Variants in NCOR2 observed in about 807,000 individuals in gnomAD.
NCOR2 encodes nuclear receptor corepressor 2, also known as CTG repeat protein 26.
Under a neutral mutation model 262.9 loss-of-function variants are expected in NCOR2, and 81 were observed. The observed-to-expected ratio is 0.31, with a 90% confidence interval of 0.26 to 0.37. The LOEUF (loss-of-function observed/expected upper bound fraction) is 0.37, where lower values mean the gene tolerates loss of function less well. Ranked by LOEUF, NCOR2 falls within the 10% of genes least tolerant of loss-of-function variation. The probability of loss-of-function intolerance (pLI) is 1.00; values close to 1 mark genes in which losing one functional copy is unlikely to be tolerated. For missense variants in NCOR2, 3,385 were observed against 3,621.4 expected (o/e 0.93, Z 1.68); for synonymous variants, 1,659 against 1,559.3 (o/e 1.06, Z -1.51).
chr12:124,331,048 C>T (rs2035142682), intron 43 of NCOR2, 150 bp from the exon 46 acceptor site: 2 of 656,582 alleles, frequency 3.0e-6, no homozygotes, highest in Admixed American at 6.0e-5. Flanking sequence ...GGGACAGGGC[C>T]AAGCGTCTGC....
At chr12:124,356,325 C>G (rs965188568) in intron 23 of NCOR2, among the ~76,000 whole-genome samples, 2 of 152,198 alleles carry the variant, frequency 1.3e-5, no homozygotes, top group Non-Finnish European at 2.9e-5. Context: ...CGCCTCTGCT[C>G]CCTCCCCAGG....
rs938433777 is a variant in NCOR2 at position 124,547,681 on chromosome 12, C to T, written c.-164-12070G>A. ...AGGTTCTCCCCAGGTCCCCTCCTTC[C>T]AGCCTCTGGCAACCACCAATCTGCT... On this transcript the variant is annotated intron_variant, in intron 1 of 32. Transcript: ENST00000458234. 2.1e-4 allele frequency among the ~76,000 whole-genome samples: 32 copies of T among 152,108 alleles called. 1 individual carries two copies. Among genetic ancestry groups the T allele is most frequent in the African/African-American group, 7.7e-4 (32 of 41,506 alleles).
chr12:124,395,432 C>G (rs2041590562), intron 16 of NCOR2, among the ~76,000 whole-genome samples: 1 of 152,220 alleles, frequency 6.6e-6, no homozygotes, highest in Non-Finnish European at 1.5e-5. Context: ...GACGAACATG[C>G]TGCTGCTCAC....
intron 7 of NCOR2, among the ~76,000 whole-genome samples, chr12:124,442,797 C>A (rs535149340): frequency 1.3e-5 from 2 of 152,080 alleles, no homozygotes; most frequent in Non-Finnish European, 2.9e-5. Context: ...GTCTTTAGAG[C>A]GAGAAGCAAG....
intron 19 of NCOR2, among the ~76,000 whole-genome samples, chr12:124,373,151 C>A (rs1337840121): frequency 6.6e-6 from 1 of 152,272 alleles, no homozygotes; most frequent in Non-Finnish European, 1.5e-5. Context: ...TGCTGCTGCA[C>A]CACCATCGCC....
intron 1 of NCOR2, among the ~76,000 whole-genome samples, chr12:124,489,699 C>A (rs1213530070): frequency 6.6e-6 from 1 of 152,190 alleles, no homozygotes; most frequent in African/African-American, 2.4e-5. Flanking sequence ...AAATTACACC[C>A]TTAAAACTCC....
At chr12:124,361,945 A>G (rs1047143757) in intron 22 of NCOR2, among the ~76,000 whole-genome samples, 181 bp downstream of exon 24, 2 of 152,212 alleles carry the variant, frequency 1.3e-5, no homozygotes, top group African/African-American at 4.8e-5. Flanking sequence ...GAGTTCTCCA[A>G]TTTGCCGCAG....
intron 1 of NCOR2, chr12:124,518,379 C>T (rs1213555605): frequency 6.6e-6 from 1 of 152,406 alleles, no homozygotes; most frequent in Non-Finnish European, 1.5e-5. Context: ...TCCCGCGAGA[C>T]TACGACTCCC....
intron 13 of NCOR2, among the ~76,000 whole-genome samples, chr12:124,417,603 TG>T (rs2042980858): frequency 6.6e-6 from 1 of 150,988 alleles, no homozygotes; most frequent in South Asian, 2.1e-4. Flanking sequence ...AGACGCCTGA[TG>T]ATGTTTTCCA....
intron 13 of NCOR2, among the ~76,000 whole-genome samples, chr12:124,410,691 T>C (rs1264008995): frequency 6.6e-6 from 1 of 151,974 alleles, no homozygotes; most frequent in Non-Finnish European, 1.5e-5. Context: ...CTGCCACCGG[T>C]CCCCACCATC....
intron 44 of NCOR2, 73 bp downstream of exon 46, chr12:124,330,772 G>A: frequency 3.3e-6 from 5 of 1,500,150 alleles, no homozygotes; most frequent in Non-Finnish European, 4.5e-6. Context: ...GTCCCTTCAT[G>A]ACAGCTGGAG....
exon 35 of NCOR2, chr12:124,340,661 T>A: frequency 8.7e-6 from 13 of 1,498,676 alleles, no homozygotes; most frequent in Non-Finnish European, 1.1e-5. Context: ...GGTGGGGAGG[T>A]AGGCAAGGCG....
Position 124,454,698 on chromosome 12 carries a change from T to C in NCOR2, c.762+2408A>G, listed in dbSNP as rs2045739353. Among the ~76,000 whole-genome samples the C allele has an allele frequency of 6.6e-6, 1 of 151,920 alleles. No homozygotes were observed. Among genetic ancestry groups the C allele is most frequent in the African/African-American group, 2.4e-5 (1 of 41,320 alleles). On this transcript the variant is annotated intron_variant, in intron 6 of 46. Transcript: ENST00000405201. This position sits in a 1 kb window ranked among gnomAD's most constrained non-coding sequence, Gnocchi z 5.6. ...GCAAGAGGCAGCTTACTGGTGGAGA[T>C]GTAAAATGGTACGGCCACTTTTCGG...
intron 1 of NCOR2, among the ~76,000 whole-genome samples, chr12:124,541,818 T>C (rs1594040775): frequency 1.9e-4 from 1 of 5,148 alleles, no homozygotes; most frequent in Non-Finnish European, 4.5e-4. Flanking sequence ...GGATGGGGAG[T>C]GGAGATGGAG....
intron 7 of NCOR2, among the ~76,000 whole-genome samples, chr12:124,438,589 C>T (rs2044520594): frequency 1.3e-5 from 2 of 152,220 alleles, no homozygotes; most frequent in South Asian, 4.2e-4. Context: ...AGGGCAGGGC[C>T]CATGGGGTCT....
At chr12:124,429,236 C>A (rs967351395) in intron 10 of NCOR2, among the ~76,000 whole-genome samples, 2 of 152,282 alleles carry the variant, frequency 1.3e-5, no homozygotes. Flanking sequence ...CCCACAGGCA[C>A]TCCCGCCCCT....
In NCOR2 at chr12:124,325,542, G is replaced by A; in HGVS notation, c.7405C>T (p.Gln2469Ter). 2 of 1,335,238 alleles carry A rather than the reference G, an allele frequency of 1.5e-6. No individual in the cohort carries two copies. Among genetic ancestry groups the A allele is most frequent in the Non-Finnish European group, 1.9e-6 (2 of 1,035,926 alleles). 82.7% of individuals were successfully genotyped at this position (1,335,238 alleles called of 1,614,324 possible). Residue 2469 changes from glutamine (Q) to a stop codon, truncating the protein, a stop_gained, in exon 47 of 47, where the codon CAG (glutamine) becomes TAG (stop). Coordinates refer to ENST00000405201, the Ensembl canonical transcript of NCOR2. LOFTEE classifies it high-confidence loss of function. ...GGTGGGGAAGCCATGACACCCGCCT[G>A]CAGCCGCATGATCAGGGGGTTGTAG...
At chr12:124,377,039 G>A (rs1323185295) in intron 18 of NCOR2, among the ~76,000 whole-genome samples, 2 of 152,344 alleles carry the variant, frequency 1.3e-5, no homozygotes, top group East Asian at 1.9e-4. Flanking sequence ...GGCACAGGGT[G>A]GGGGTCGAAG....
chr12:124,388,733 G>A lies in NCOR2; in HGVS notation c.1877-2846C>T, dbSNP rs1398613611. ...TCGGCCAAGTTTTCCGGAAACATAG[G>A]GCTGGGAAGATGCCCCAGGGAGCGG... is the stretch of plus-strand genomic sequence containing the variant. On this transcript the variant is annotated intron_variant, in intron 16 of 46. Transcript: ENST00000405201. 5 of 1,304,338 alleles carry A rather than the reference G, an allele frequency of 3.8e-6. No homozygotes were observed. In the Admixed American group the frequency reaches 6.9e-5, roughly 18 times the overall value. 80.8% of individuals were successfully genotyped at this position (1,304,338 alleles called of 1,614,324 possible).
Sources: gnomAD v4.1 joint callset for allele counts (sites outside exome capture counted in the v4.1 genomes callset) on GRCh38, gnomAD v4.1.1 for gene constraint, Gnocchi (gnomAD v3.1) non-coding constraint, MANE v1.5 for transcripts, NCBI Gene and HGNC (gene_info 2026-07-23, HGNC 2026-07-21) for gene names.